The following CDNF variants were observed in gnomAD, a reference collection of about 807,000 sequenced individuals.
The protein encoded by CDNF is cerebral dopamine neurotrophic factor.
CDNF carries 9 observed loss-of-function variants against 14.8 expected under a neutral mutation model. The observed-to-expected ratio is 0.61, with a 90% CI of 0.37 to 1.06. CDNF has a LOEUF of 1.06. Ranked by LOEUF, CDNF falls within the 50% of genes least tolerant of loss-of-function variation. The pLI is 0.01. For missense variants in CDNF, 228 were observed against 228.4 expected, an observed-to-expected ratio of 1.00 and a Z score of 0.01; for synonymous variants, 86 against 87.2, an observed-to-expected ratio of 0.99 and a Z score of 0.07.
chr10:14,819,707 A>G lies in CDNF; in HGVS notation c.*273T>C. 1 of 289,954 alleles carries G rather than the reference A, an allele frequency of 3.4e-6. No homozygotes were observed. The highest frequency in any genetic ancestry group is 6.3e-6 in the Non-Finnish European group (1 of 157,888). 18.0% of individuals were successfully genotyped at this position (289,954 alleles called of 1,614,324 possible). A position where few individuals can be genotyped will look rare whatever the true frequency, so the allele number is the denominator to read the frequency against. ...TACTCCATCAATTTGTCAGTAGGTC[A>G]CTTTTAGGAGACAGGCAATGAAAAC... On this transcript the variant is annotated 3_prime_UTR_variant, in exon 4 of 4. Coordinates refer to ENST00000465530, the MANE Select transcript of CDNF (RefSeq NM_001029954.3).
chr10:14,835,033 C>G (rs147780292), intron 1 of CDNF, among the ~76,000 whole-genome samples: 1 of 152,130 alleles, frequency 6.6e-6, no homozygotes, highest in Non-Finnish European at 1.5e-5. Context: ...GGCTAGGTGA[C>G]CAGGTAGTTG....
chr10:14,819,815 G>A lies in CDNF; in HGVS notation c.*165C>T, dbSNP rs1833722056. ...CAAATGTAAGTTATCAGTAGTATTA[G>A]TTTCACTCATAAACCCACGTAACAA... is the stretch of plus-strand genomic sequence containing the variant. On this transcript the variant is annotated 3_prime_UTR_variant, in exon 4 of 4. Coordinates refer to ENST00000465530, the MANE Select transcript of CDNF (RefSeq NM_001029954.3). The A allele has an allele frequency of 3.0e-6, 2 of 660,078 alleles. No homozygotes were observed. Among genetic ancestry groups the A allele is most frequent in the African/African-American group, 1.8e-5 (1 of 54,832 alleles). The allele number at this position is 660,078 out of a possible 1,614,324, so 40.9% of individuals were successfully genotyped here. A position where few individuals can be genotyped will look rare whatever the true frequency, so the allele number is the denominator to read the frequency against.
intron 1 of CDNF, among the ~76,000 whole-genome samples, chr10:14,836,054 C>T (rs1432063832): frequency 1.3e-5 from 2 of 152,080 alleles, no homozygotes; most frequent in African/African-American, 2.4e-5. Flanking sequence ...GTAAATGTAA[C>T]GAAACATATC....
intron 1 of CDNF, among the ~76,000 whole-genome samples, chr10:14,835,823 G>A (rs549161540): frequency 1.2e-4 from 19 of 152,296 alleles, no homozygotes; most frequent in African/African-American, 4.6e-4. Context: ...AAAAAGAAGA[G>A]TTAAGCAATT....
chr10:14,825,549 C>T lies in CDNF; in HGVS notation c.315G>A (p.Val105=), dbSNP rs1224054708. The T allele has an allele frequency of 6.2e-7, 1 of 1,614,016 alleles. No individual in the cohort carries two copies. The highest frequency in any genetic ancestry group is 8.5e-7 in the Non-Finnish European group (1 of 1,179,944). Residue 105 remains valine, a synonymous_variant, in exon 3 of 4, where the codon GTG becomes GTA. Coordinates refer to ENST00000465530, the MANE Select transcript of CDNF (RefSeq NM_001029954.3). Reference sequence around the variant, plus strand: ...CACAAATCTTCATTGCAGGCATATGCACACTCATTGGGCGAGTGACTTCAC... The same window carrying T: ...CACAAATCTTCATTGCAGGCATATGTACACTCATTGGGCGAGTGACTTCAC... ...ILSEVTRPMS[V]HMPAMKICEK...
chr10:14,822,391 T>C (rs1833744935), intron 3 of CDNF, among the ~76,000 whole-genome samples: 1 of 152,078 alleles, frequency 6.6e-6, no homozygotes, highest in South Asian at 2.1e-4. Context: ...AATTTTCCTA[T>C]CAGAAAGAGG....
At chr10:14,835,659 A>C (rs1013560307) in intron 1 of CDNF, among the ~76,000 whole-genome samples, 1 of 152,196 alleles carries the variant, frequency 6.6e-6, no homozygotes, top group Non-Finnish European at 1.5e-5. Context: ...TTATAAGTGA[A>C]TCTATAATTA....
chr10:14,829,930 C>A (rs1458420585), intron 1 of CDNF, among the ~76,000 whole-genome samples: 1 of 152,068 alleles, frequency 6.6e-6, no homozygotes, highest in African/African-American at 2.4e-5. Flanking sequence ...GCCCAGAGTA[C>A]GTTTCTATTT....
intron 1 of CDNF, among the ~76,000 whole-genome samples, chr10:14,833,373 C>A (rs932433185): frequency 6.6e-6 from 1 of 152,192 alleles, no homozygotes; most frequent in African/African-American, 2.4e-5. Context: ...CTCCAGCAGA[C>A]TCCCTTTAGA....
At chr10:14,827,059 A>AAG (rs1237257839) in intron 2 of CDNF, among the ~76,000 whole-genome samples, 1 of 147,226 alleles carries the variant, frequency 6.8e-6, no homozygotes, top group Non-Finnish European at 1.5e-5. Context: ...CTACAAAAAA[A>AAG]AAAAAAAAAA....
intron 2 of CDNF, among the ~76,000 whole-genome samples, chr10:14,826,450 A>G (rs1304243756): frequency 6.6e-6 from 1 of 150,976 alleles, no homozygotes; most frequent in Non-Finnish European, 1.5e-5. Context: ...AAGCAGAAGA[A>G]GCAGAAGAAG....
chr10:14,826,995 C>T (rs1387205515), intron 2 of CDNF, among the ~76,000 whole-genome samples: 1 of 139,280 alleles, frequency 7.2e-6, no homozygotes, highest in East Asian at 2.2e-4. Flanking sequence ...GCGGGTGAAT[C>T]ACTTGAGCTC....
chr10:14,826,125 AAGC>A (rs1370793048), intron 2 of CDNF, among the ~76,000 whole-genome samples: 1 of 137,116 alleles, frequency 7.3e-6, no homozygotes, highest in Non-Finnish European at 1.5e-5. Context: ...GCAGCAGCAG[AAGC>A]AGGAGAAGGA....
At chr10:14,820,865 T>C (rs1035021700) in intron 3 of CDNF, among the ~76,000 whole-genome samples, 2 of 152,154 alleles carry the variant, frequency 1.3e-5, no homozygotes, top group African/African-American at 2.4e-5. Flanking sequence ...GGTGATTGGA[T>C]CATGGGGGTG....
intron 3 of CDNF, among the ~76,000 whole-genome samples, chr10:14,825,208 G>A (rs1259951908): frequency 2.0e-5 from 3 of 151,974 alleles, no homozygotes; most frequent in Non-Finnish European, 2.9e-5. Context: ...CGCCCGTCTC[G>A]GCCTCCCAAA....
rs749846803 is a variant in CDNF, at chr10:14,825,476, T to C, written c.385+3A>G. Reference sequence around the variant, plus strand: ...CTGGGAAAAACACGGGGCTGTGTTATACCATATTTCAGCTCACAGATCTGG... The same window carrying C: ...CTGGGAAAAACACGGGGCTGTGTTACACCATATTTCAGCTCACAGATCTGG... On this transcript the variant is annotated splice_donor_region_variant and intron_variant, in intron 3 of 3. Transcript: ENST00000465530. 1.2e-6 allele frequency: 2 copies of C among 1,613,956 alleles called. No homozygotes were observed. The highest frequency in any genetic ancestry group is 4.5e-5 in the East Asian group (2 of 44,864).
chr10:14,831,371 C>A (rs1427203598), intron 1 of CDNF, among the ~76,000 whole-genome samples: 3 of 151,110 alleles, frequency 2.0e-5, no homozygotes, highest in Non-Finnish European at 4.4e-5. Context: ...CCAACTCATA[C>A]TTTACAATAT....
intron 1 of CDNF, 117 bp from the exon 2 acceptor site, chr10:14,828,389 C>A: frequency 1.1e-6 from 1 of 929,958 alleles, no homozygotes; most frequent in African/African-American, 1.7e-5. Flanking sequence ...TGGCTTACCC[C>A]TGTAATCCTA....
At position 14,823,817 on chromosome 10, in the gene CDNF, G is replaced by A. The variant is rs80127427; in HGVS notation, c.385+1662C>T. On this transcript the variant is annotated intron_variant, in intron 3 of 3. Transcript: ENST00000465530. ...GCTGAGGTTACAAGTGTGAGCTGCCGCGCCCGGCCAAGTTTGTGAATATTG... is the reference window on the plus strand; with the variant it reads ...GCTGAGGTTACAAGTGTGAGCTGCCACGCCCGGCCAAGTTTGTGAATATTG... Among the ~76,000 whole-genome samples the A allele has an allele frequency of 8.3e-3, 1,266 of 152,286 alleles. 23 individuals are homozygous for A. Among genetic ancestry groups the A allele is most frequent in the African/African-American group, 0.029 (1,188 of 41,556 alleles).
Sources: allele counts gnomAD v4.1 joint callset (sites outside exome capture counted in the v4.1 genomes callset), GRCh38; gene constraint gnomAD v4.1.1; transcripts MANE v1.5; gene names NCBI Gene and HGNC (gene_info 2026-07-23, HGNC 2026-07-21).